Variants in FAM193A observed in about 807,000 individuals in gnomAD.
The protein encoded by FAM193A is protein FAM193A.
Under a neutral mutation model 126.5 loss-of-function variants are expected in FAM193A, and 22 were observed. The ratio of observed to expected loss-of-function variants is 0.17; its 90% CI spans 0.12 to 0.25. The LOEUF is 0.25. Ranked by LOEUF, FAM193A falls within the 10% of genes least tolerant of loss-of-function variation. The pLI is 1.00. For missense variants in FAM193A, 1,675 were observed against 1,672.8 expected (o/e 1.00, Z -0.02); for synonymous variants, 761 against 646.8 (o/e 1.18, Z -2.68).
intron 1 of FAM193A, among the ~76,000 whole-genome samples, chr4:2,549,964 T>C (rs1737808680): frequency 6.8e-6 from 1 of 148,002 alleles, no homozygotes; most frequent in Middle Eastern, 3.5e-3. Flanking sequence ...CCTGACCTCG[T>C]GATCTGCCCT....
chr4:2,654,835 G>T (rs566727098), intron 7 of FAM193A: 1 of 369,508 alleles, frequency 2.7e-6, no homozygotes, highest in East Asian at 3.9e-5. Context: ...GCTATGACCG[G>T]CATCTTGAGT....
intron 1 of FAM193A, among the ~76,000 whole-genome samples, chr4:2,590,004 G>A (rs191457803): frequency 5.3e-5 from 8 of 151,810 alleles, no homozygotes; most frequent in Admixed American, 1.3e-4. Flanking sequence ...GCATGGTGGC[G>A]CAGGCATGTA....
At chr4:2,640,263 T>C (rs1207990349) in intron 6 of FAM193A, among the ~76,000 whole-genome samples, 4 of 152,152 alleles carry the variant, frequency 2.6e-5, no homozygotes, top group Admixed American at 2.0e-4. Flanking sequence ...AGCTTGGTGT[T>C]TCCCACACAT....
At chr4:2,686,113 C>T (rs1715712013) in intron 13 of FAM193A, among the ~76,000 whole-genome samples, 1 of 152,126 alleles carries the variant, frequency 6.6e-6, no homozygotes, top group East Asian at 1.9e-4. Flanking sequence ...GAAAGAAATC[C>T]ATAAGCTATT....
rs568907038 is a variant in FAM193A, at chr4:2,554,824, C to A, written c.255+17654C>A. Among the ~76,000 whole-genome samples the A allele has an allele frequency of 2.0e-5, 3 of 152,206 alleles. No homozygotes were observed. In the East Asian group the frequency reaches 5.8e-4, roughly 29 times the overall value. On this transcript the variant is annotated intron_variant, in intron 1 of 20. Transcript: ENST00000637812. ...TGACCCTTTGTCATTTAAGCTGTAT[C>A]CCTCATCCTTGGTAGTTTGCTTGTC... is the stretch of plus-strand genomic sequence containing the variant.
chr4:2,536,364 C>T (rs933001897), upstream of FAM193A, among the ~76,000 whole-genome samples: 3 of 151,880 alleles, frequency 2.0e-5, no homozygotes, highest in Non-Finnish European at 4.4e-5. Context: ...CCGCATCCAG[C>T]TCCCTGGCCC....
intron 8 of FAM193A, 125 bp from the exon 9 acceptor site, chr4:2,659,433 G>T: frequency 1.4e-6 from 1 of 703,032 alleles, no homozygotes. Context: ...TGTATTCCTG[G>T]TCCTGTCCCG....
chr4:2,692,481 A>C (rs1716512607), intron 15 of FAM193A, among the ~76,000 whole-genome samples: 1 of 152,252 alleles, frequency 6.6e-6, no homozygotes, highest in African/African-American at 2.4e-5. Flanking sequence ...GGTGGGTGCC[A>C]GACTCTGGAG....
intron 1 of FAM193A, among the ~76,000 whole-genome samples, chr4:2,588,588 G>T (rs1740360665): frequency 1.3e-5 from 2 of 152,062 alleles, no homozygotes; most frequent in Admixed American, 6.5e-5. Flanking sequence ...GGGGCTTGTC[G>T]GGTGTGCAAA....
intron 19 of FAM193A, among the ~76,000 whole-genome samples, chr4:2,705,760 T>G (rs1436074779): frequency 6.6e-6 from 1 of 152,016 alleles, no homozygotes; most frequent in Non-Finnish European, 1.5e-5. Flanking sequence ...GGCTAATTTT[T>G]TTTTTTTTAG....
chr4:2,615,226 G>C (rs2108952001), intron 2 of FAM193A: 1 of 152,428 alleles, frequency 6.6e-6, no homozygotes, highest in East Asian at 1.9e-4. Context: ...GTACCAGCCT[G>C]TTTGTTATCA....
At chr4:2,553,242 C>T (rs944518366) in intron 1 of FAM193A, among the ~76,000 whole-genome samples, 1 of 152,036 alleles carries the variant, frequency 6.6e-6, no homozygotes, top group Admixed American at 6.6e-5. Flanking sequence ...GGCAGGAGGA[C>T]CACTTGAGCT....
intron 1 of FAM193A, among the ~76,000 whole-genome samples, chr4:2,586,252 A>ATAT (rs199598011): frequency 4.7e-5 from 7 of 150,500 alleles, no homozygotes; most frequent in Non-Finnish European, 4.4e-5. Flanking sequence ...CTCAAAAAAA[A>ATAT]AAATATATAT....
chr4:2,659,513 G>A (rs202021564), intron 8 of FAM193A, 45 bp from the exon 9 acceptor site: 139 of 1,319,956 alleles, frequency 1.1e-4, no homozygotes, highest in Middle Eastern at 1.8e-4. Context: ...GCCATGTCTC[G>A]GGGAAGGGTC....
chr4:2,570,741 G>A (rs1400184812), intron 1 of FAM193A, among the ~76,000 whole-genome samples: 1 of 152,100 alleles, frequency 6.6e-6, no homozygotes. Flanking sequence ...GCCTTGGTGA[G>A]CTCCTCCTCA....
At chr4:2,696,658 G>C (rs889726091) in intron 18 of FAM193A, 65 bp downstream of exon 18, 1 of 1,294,402 alleles carries the variant, frequency 7.7e-7, no homozygotes, top group African/African-American at 1.5e-5. Context: ...GCCGTGCCAC[G>C]CCAGTCTCTA....
intron 20 of FAM193A, among the ~76,000 whole-genome samples, chr4:2,729,049 A>G (rs1055403927): frequency 1.3e-5 from 2 of 151,764 alleles, no homozygotes; most frequent in African/African-American, 2.4e-5. Flanking sequence ...TCCACCAGGG[A>G]TGTCAGGTGA....
At chr4:2,622,101 G>A (rs1276876582) in intron 2 of FAM193A, among the ~76,000 whole-genome samples, 2 of 151,702 alleles carry the variant, frequency 1.3e-5, no homozygotes. Flanking sequence ...CCAAAAATAC[G>A]AAAAATTAAG....
chr4:2,622,257 CAAAAAAAAA>C (rs71178493), intron 2 of FAM193A, among the ~76,000 whole-genome samples: 10 of 55,570 alleles, frequency 1.8e-4, no homozygotes, highest in African/African-American at 6.8e-4. Flanking sequence ...ACCCTGTCTC[CAAAAAAAAA>C]AAAAAAAAAA....
Sources: allele counts gnomAD v4.1 joint callset (sites outside exome capture counted in the v4.1 genomes callset), GRCh38; gene constraint gnomAD v4.1.1; transcripts MANE v1.5; gene names NCBI Gene and HGNC (gene_info 2026-07-23, HGNC 2026-07-21).